CNTN5: variants seen among roughly 807,000 people sequenced by gnomAD.
CNTN5 encodes contactin-5.
A neutral mutation model predicts 129.1 loss-of-function variants in CNTN5; 77 were observed. The observed-to-expected ratio is 0.60, with a 90% CI of 0.50 to 0.72. The LOEUF (loss-of-function observed/expected upper bound fraction) is 0.72. CNTN5 is among the 30% of genes least tolerant of loss of function. CNTN5 has a pLI of 0.00. For missense variants in CNTN5, 1,478 were observed against 1,328.8 expected (o/e 1.11, Z -1.75); for synonymous variants, 509 against 465.6 (o/e 1.09, Z -1.20).
chr11:99,970,291 A>G (rs745585353), intron 8 of CNTN5, among the ~76,000 whole-genome samples: 1 of 152,218 alleles, frequency 6.6e-6, no homozygotes, highest in Non-Finnish European at 1.5e-5. Flanking sequence ...ATTGTAGCAA[A>G]GAAGTGAGGC....
At chr11:99,651,089 T>A (rs532127929) in intron 3 of CNTN5, among the ~76,000 whole-genome samples, 1 of 151,970 alleles carries the variant, frequency 6.6e-6, no homozygotes, top group African/African-American at 2.4e-5. Context: ...ACAATCAAGA[T>A]GGGACTCTGT....
chr11:99,396,532 A>T (rs991251287), intron 2 of CNTN5, among the ~76,000 whole-genome samples: 1 of 151,632 alleles, frequency 6.6e-6, no homozygotes, highest in Non-Finnish European at 1.5e-5. Flanking sequence ...TGCCTTTTAA[A>T]TTTAAGTGTA....
rs148157664 is a variant in CNTN5 at position 99,832,413 on chromosome 11, C to T, written c.278-12439C>T. Among the ~76,000 whole-genome samples the T allele has an allele frequency of 2.5e-3, 387 of 151,970 alleles. 4 individuals carry two copies. The highest frequency in any genetic ancestry group is 0.017 in the Admixed American group (256 of 15,226). On this transcript the variant is annotated intron_variant, in intron 4 of 24. Transcript: ENST00000524871. ...CTCTGACCTCTCTTTTATATCTGTA[C>T]GAAAGTGACAAAAAACCTATTAGAC...
At chr11:99,224,601 T>A (rs939520706) in intron 1 of CNTN5, among the ~76,000 whole-genome samples, 2 of 151,442 alleles carry the variant, frequency 1.3e-5, no homozygotes, top group Non-Finnish European at 2.9e-5. Context: ...GTGAGAATGA[T>A]CATGACTAAC....
At chr11:100,283,496 C>A (rs1054427193) in intron 18 of CNTN5, among the ~76,000 whole-genome samples, 2 of 152,166 alleles carry the variant, frequency 1.3e-5, no homozygotes, top group African/African-American at 4.8e-5. Flanking sequence ...CAGTTCAACA[C>A]AGGACTTGCC....
At chr11:99,892,278 C>CCTGTTCA (rs1377034507) in intron 6 of CNTN5, among the ~76,000 whole-genome samples, 10 of 152,076 alleles carry the variant, frequency 6.6e-5, no homozygotes, top group African/African-American at 1.9e-4. Context: ...CTGTAGGTTG[C>CCTGTTCA]CTGTTCACTC....
intron 2 of CNTN5, among the ~76,000 whole-genome samples, chr11:99,352,980 A>T (rs751669861): frequency 5.9e-5 from 9 of 152,114 alleles, no homozygotes; most frequent in Non-Finnish European, 1.2e-4. Context: ...TATACCACAG[A>T]TCCTTTGAGA....
intron 1 of CNTN5, among the ~76,000 whole-genome samples, chr11:99,228,008 ATT>A (rs1860780041): frequency 6.6e-6 from 1 of 152,064 alleles, no homozygotes; most frequent in Non-Finnish European, 1.5e-5. Context: ...CTTATGTGAC[ATT>A]TTACTATGTA....
At chr11:99,872,266 C>A (rs1948522643) in intron 6 of CNTN5, among the ~76,000 whole-genome samples, 2 of 151,902 alleles carry the variant, frequency 1.3e-5, no homozygotes, top group Non-Finnish European at 2.9e-5. Context: ...GCTTTTGTTT[C>A]TTTGCTTTAC....
In CNTN5 at chr11:99,283,178, G is replaced by A. The variant is rs188139647; in HGVS notation, c.-209-42168G>A. Among the ~76,000 whole-genome samples the A allele has an allele frequency of 5.9e-3, 893 of 152,104 alleles. 7 individuals are homozygous for A. Among genetic ancestry groups the A allele is most frequent in the Non-Finnish European group, 0.011 (714 of 67,984 alleles). ...CTCATGCTGTGACCACTACCTCTGGGAAGAATGACTCTTACTCTCTCAGTC... is the reference window on the plus strand; with the variant it reads ...CTCATGCTGTGACCACTACCTCTGGAAAGAATGACTCTTACTCTCTCAGTC... On this transcript the variant is annotated intron_variant, in intron 1 of 24. Transcript: ENST00000524871.
intron 6 of CNTN5, among the ~76,000 whole-genome samples, chr11:99,887,097 A>T (rs543600877): frequency 2.6e-4 from 39 of 152,166 alleles, no homozygotes; most frequent in Non-Finnish European, 4.9e-4. Flanking sequence ...TTTTGATGAT[A>T]ATATTATATA....
intron 3 of CNTN5, among the ~76,000 whole-genome samples, chr11:99,773,558 A>G (rs914643344): frequency 6.6e-6 from 1 of 152,088 alleles, no homozygotes; most frequent in Non-Finnish European, 1.5e-5. Flanking sequence ...TTTTATTGAA[A>G]TAATACCCAT....
chr11:99,849,975 T>C (rs140100479), intron 6 of CNTN5, among the ~76,000 whole-genome samples: 3 of 152,136 alleles, frequency 2.0e-5, no homozygotes, highest in African/African-American at 7.2e-5. Flanking sequence ...GCTTGCTTCC[T>C]CAGTCATCAT....
intron 2 of CNTN5, among the ~76,000 whole-genome samples, chr11:99,352,562 C>G (rs1223462828): frequency 6.6e-6 from 1 of 152,010 alleles, no homozygotes; most frequent in Admixed American, 6.6e-5. Flanking sequence ...GCCCCTATTC[C>G]TAAAGTTGAA....
chr11:100,336,453 G>A (rs1399298285), intron 21 of CNTN5, among the ~76,000 whole-genome samples: 4 of 151,928 alleles, frequency 2.6e-5, no homozygotes, highest in Non-Finnish European at 5.9e-5. Context: ...AATGAAAGCA[G>A]GACATAAAAA....
At chr11:99,992,482 C>T (rs1436880363) in intron 8 of CNTN5, among the ~76,000 whole-genome samples, 2 of 152,140 alleles carry the variant, frequency 1.3e-5, no homozygotes, top group African/African-American at 2.4e-5. Flanking sequence ...GGACAAGTCA[C>T]ATGAGAAAAA....
chr11:99,721,989 T>C (rs1156851032), intron 3 of CNTN5, among the ~76,000 whole-genome samples: 1 of 152,112 alleles, frequency 6.6e-6, no homozygotes, highest in Non-Finnish European at 1.5e-5. Flanking sequence ...TAACAGATGC[T>C]GGTGGGGTTG....
At position 99,386,679 on chromosome 11, in the gene CNTN5, A is replaced by G. The variant is rs185277487; in HGVS notation, c.-71+61195A>G. Among the ~76,000 whole-genome samples, 12 of 152,288 alleles carry G rather than the reference A, an allele frequency of 7.9e-5. No homozygotes were observed. In the East Asian group the frequency reaches 2.3e-3, roughly 29 times the overall value. On this transcript the variant is annotated intron_variant, in intron 2 of 24. Coordinates refer to ENST00000524871, the MANE Select transcript of CNTN5 (RefSeq NM_014361.4). Reference sequence around the variant, plus strand: ...CCTTAACCATCTGGGAATGCAGCCCAGTGGGTCTCAACCTCATTTTACCCA... The same window carrying G: ...CCTTAACCATCTGGGAATGCAGCCCGGTGGGTCTCAACCTCATTTTACCCA...
intron 1 of CNTN5, among the ~76,000 whole-genome samples, chr11:99,053,743 G>T (rs1005909961): frequency 6.6e-6 from 1 of 151,904 alleles, no homozygotes; most frequent in African/African-American, 2.4e-5. Context: ...TATAATGAGG[G>T]CAGAAGCCTA....
Sources: gnomAD v4.1 joint callset for allele counts (sites outside exome capture counted in the v4.1 genomes callset) on GRCh38, gnomAD v4.1.1 for gene constraint, MANE v1.5 for transcripts, NCBI Gene and HGNC (gene_info 2026-07-23, HGNC 2026-07-21) for gene names.